Variants in STK32B observed in about 807,000 individuals in gnomAD.
STK32B encodes the protein serine/threonine kinase 32B, also known as serine/threonine-protein kinase 32B.
In STK32B, 43 loss-of-function variants were observed where a neutral mutation model predicts 52.6. The observed-to-expected ratio is 0.82, with a 90% CI of 0.64 to 1.05. The LOEUF is 1.05. Among genes scored for constraint, STK32B ranks in the 50% least tolerant of loss-of-function variants. The probability of loss-of-function intolerance (pLI) is 0.00; values close to 1 mark genes in which losing one functional copy is unlikely to be tolerated. For missense variants in STK32B, 621 were observed against 534.6 expected (o/e 1.16, Z -1.59); for synonymous variants, 238 against 204.3 (o/e 1.17, Z -1.41).
intron 1 of STK32B, among the ~76,000 whole-genome samples, chr4:5,137,243 C>G (rs1716129972): frequency 6.6e-6 from 1 of 152,098 alleles, no homozygotes; most frequent in Non-Finnish European, 1.5e-5. Flanking sequence ...CTGGACTTTC[C>G]CACCTGGCCA....
At chr4:5,401,078 G>T (rs1407550589) in intron 5 of STK32B, among the ~76,000 whole-genome samples, 2 of 152,184 alleles carry the variant, frequency 1.3e-5, no homozygotes, top group African/African-American at 4.8e-5. Context: ...GGGCAGAACT[G>T]CAGAAACAAG....
chr4:5,481,323 C>T (rs959825144), intron 11 of STK32B, among the ~76,000 whole-genome samples: 1 of 152,188 alleles, frequency 6.6e-6, no homozygotes, highest in Non-Finnish European at 1.5e-5. Flanking sequence ...TTGCATTTCT[C>T]TGATGGCCAG....
intron 1 of STK32B, among the ~76,000 whole-genome samples, chr4:5,084,016 C>T (rs1027427935): frequency 3.3e-5 from 5 of 152,162 alleles, no homozygotes; most frequent in Non-Finnish European, 5.9e-5. Context: ...AGATTGCAGG[C>T]GTGAGCCACC....
intron 1 of STK32B, among the ~76,000 whole-genome samples, chr4:5,057,915 A>C (rs1339344198): frequency 6.6e-6 from 1 of 152,194 alleles, no homozygotes; most frequent in African/African-American, 2.4e-5. Context: ...ATAGTTTAGG[A>C]TACCAGAGGA....
At chr4:5,163,847 T>C (rs1323579888) in intron 2 of STK32B, among the ~76,000 whole-genome samples, 4 of 152,124 alleles carry the variant, frequency 2.6e-5, no homozygotes, top group African/African-American at 9.7e-5. Flanking sequence ...CAGGGACCCA[T>C]GGAGAGAGGA....
Position 5,187,735 on chromosome 4 carries a change from T to G in STK32B, c.260+19285T>G, listed in dbSNP as rs573727239. 4.6e-5 allele frequency among the ~76,000 whole-genome samples: 7 copies of G among 152,294 alleles called. No homozygotes were observed. In the South Asian group the frequency reaches 1.5e-3, roughly 32 times the overall value. On this transcript the variant is annotated intron_variant, in intron 3 of 11. Coordinates refer to ENST00000282908, the MANE Select transcript of STK32B (RefSeq NM_018401.3). ...GCCAGCCTGCAACATTTCTGAAGAT[T>G]TAGCATTTGATTATGATGAGCTAGT...
In STK32B at chr4:5,239,903, A is replaced by T. The variant is rs1344066162; in HGVS notation, c.260+71453A>T. ...ATGCATCATGTACACTCTGCACCTT[A>T]TCTCTGCCATTCCCTCTGTCTGGGA... is the stretch of plus-strand genomic sequence containing the variant. On this transcript the variant is annotated intron_variant, in intron 3 of 11. Coordinates refer to ENST00000282908, the MANE Select transcript of STK32B (RefSeq NM_018401.3). Among the ~76,000 whole-genome samples the T allele has an allele frequency of 2.6e-5, 4 of 152,106 alleles. No homozygotes were observed. In the East Asian group the frequency reaches 7.7e-4, roughly 29 times the overall value.
At chr4:5,181,355 CACACACACACACAG>C (rs1300571694) in intron 3 of STK32B, among the ~76,000 whole-genome samples, 16 of 146,026 alleles carry the variant, frequency 1.1e-4, no homozygotes, top group East Asian at 2.1e-4. Flanking sequence ...CACACACACA[CACACACACACACAG>C]AGATCTCATT....
At chr4:5,027,552 T>G in the STK32B span, among the ~76,000 whole-genome samples, 7 of 152,258 alleles carry the variant, frequency 4.6e-5, no homozygotes, top group Admixed American at 4.6e-4. Context: ...TTACTCATCC[T>G]CCTTTGATGT....
At chr4:5,022,931 C>A in the STK32B span, among the ~76,000 whole-genome samples, 35 of 152,204 alleles carry the variant, frequency 2.3e-4, no homozygotes, top group East Asian at 6.0e-3. Context: ...CCATCACTGG[C>A]AGCTGCTCCC....
At chr4:5,288,350 G>A (rs28446472) in intron 3 of STK32B, among the ~76,000 whole-genome samples, 8,408 of 152,154 alleles carry the variant, frequency 0.055, 493 homozygotes, top group African/African-American at 0.15. Flanking sequence ...AAACCATTTT[G>A]CAGTCCCATC....
chr4:5,218,533 G>A (rs970863067), intron 3 of STK32B, among the ~76,000 whole-genome samples: 4 of 152,162 alleles, frequency 2.6e-5, no homozygotes, highest in African/African-American at 4.8e-5. Context: ...GCCTGAAAGG[G>A]GGAGGACATG....
At chr4:5,468,169 A>G in intron 11 of STK32B, 99 bp downstream of exon 11, 1 of 1,252,698 alleles carries the variant, frequency 8.0e-7, no homozygotes, top group East Asian at 2.3e-5. Context: ...ACCGGCCTTG[A>G]CGACAAAAGG....
intron 4 of STK32B, among the ~76,000 whole-genome samples, chr4:5,366,081 C>A (rs957594535): frequency 6.6e-6 from 1 of 152,234 alleles, no homozygotes. Flanking sequence ...AGAAACTAGG[C>A]CAACCTGTCA....
intron 3 of STK32B, among the ~76,000 whole-genome samples, chr4:5,285,205 C>T (rs997527363): frequency 2.0e-5 from 3 of 152,016 alleles, no homozygotes; most frequent in African/African-American, 4.8e-5. Flanking sequence ...GTAAGGCTAC[C>T]GGTCGACAGT....
intron 6 of STK32B, 37 bp downstream of exon 6, chr4:5,416,971 G>T: frequency 6.4e-7 from 1 of 1,566,234 alleles, no homozygotes; most frequent in African/African-American, 1.4e-5. Flanking sequence ...ATGTGATCGG[G>T]CTCACTGCCT....
chr4:5,317,423 A>ATATATATAATGTATATGTATTATATATAT (rs1731145655), intron 3 of STK32B, among the ~76,000 whole-genome samples: 1 of 36,008 alleles, frequency 2.8e-5, no homozygotes, highest in African/African-American at 1.4e-4. Context: ...ATTATATATA[A>ATATATATAATGTATATGTATTATATATAT]TACATATATA....
intron 2 of STK32B, among the ~76,000 whole-genome samples, chr4:5,161,412 A>T (rs1048257825): frequency 6.6e-6 from 1 of 152,198 alleles, no homozygotes; most frequent in African/African-American, 2.4e-5. Flanking sequence ...CCATGATAGG[A>T]GGTTCAGCAT....
chr4:5,442,662 T>G (rs1714904179), intron 6 of STK32B, among the ~76,000 whole-genome samples: 1 of 152,106 alleles, frequency 6.6e-6, no homozygotes, highest in Non-Finnish European at 1.5e-5. Context: ...GTTAGCTGGT[T>G]ATTTTGCTCG....
Sources: allele counts gnomAD v4.1 joint callset (sites outside exome capture counted in the v4.1 genomes callset), GRCh38; gene constraint gnomAD v4.1.1; transcripts MANE v1.5; gene names NCBI Gene and HGNC (gene_info 2026-07-23, HGNC 2026-07-21).